Variants in SEMA3E observed in about 807,000 individuals in gnomAD.
The protein encoded by SEMA3E is semaphorin-3E.
Under a neutral mutation model 93.6 loss-of-function variants are expected in SEMA3E, and 49 were observed. That is an observed-to-expected ratio of 0.52 (90% confidence interval 0.42 to 0.66). SEMA3E has a LOEUF of 0.66. Among genes scored for constraint, SEMA3E ranks in the 30% least tolerant of loss-of-function variants. SEMA3E has a pLI of 0.00. For missense variants in SEMA3E, 906 were observed against 964.8 expected (o/e 0.94, Z 0.81); for synonymous variants, 363 against 330.7 (o/e 1.10, Z -1.06).
chr7:83,401,866 C>T (rs1432010157), intron 10 of SEMA3E, among the ~76,000 whole-genome samples: 1 of 152,006 alleles, frequency 6.6e-6, no homozygotes, highest in Admixed American at 6.6e-5. Flanking sequence ...TCACATAGCA[C>T]ATACAATGAT....
intron 1 of SEMA3E, among the ~76,000 whole-genome samples, chr7:83,634,570 G>A (rs1793845894): frequency 6.6e-6 from 1 of 151,752 alleles, no homozygotes; most frequent in Admixed American, 6.6e-5. Flanking sequence ...TCATTCTTTT[G>A]ATTGTTTTTT....
chr7:83,506,797 G>A (rs1401257159), intron 1 of SEMA3E, among the ~76,000 whole-genome samples: 3 of 152,254 alleles, frequency 2.0e-5, no homozygotes, highest in African/African-American at 7.2e-5. Context: ...GAGAATGGAT[G>A]ATAATTTTTT....
intron 1 of SEMA3E, among the ~76,000 whole-genome samples, chr7:83,495,433 T>A (rs1282230893): frequency 1.3e-5 from 2 of 151,436 alleles, no homozygotes; most frequent in African/African-American, 2.4e-5. Context: ...TCATAGAAAT[T>A]GCAGTATGCT....
intron 2 of SEMA3E, among the ~76,000 whole-genome samples, chr7:83,481,497 T>C (rs1346866656): frequency 6.6e-6 from 1 of 152,178 alleles, no homozygotes; most frequent in Non-Finnish European, 1.5e-5. Context: ...GACTTTTACA[T>C]AGAGTAAAAT....
intron 1 of SEMA3E, among the ~76,000 whole-genome samples, chr7:83,565,135 G>T (rs1057331436): frequency 1.3e-4 from 19 of 151,996 alleles, no homozygotes; most frequent in African/African-American, 4.6e-4. Context: ...ACCGTCCCAA[G>T]ACTAAACCAA....
intron 1 of SEMA3E, among the ~76,000 whole-genome samples, chr7:83,515,833 G>A (rs1353960987): frequency 1.3e-5 from 2 of 152,066 alleles, no homozygotes; most frequent in Admixed American, 1.3e-4. Flanking sequence ...TTCGAGACCA[G>A]CCTGGCCAAC....
chr7:83,625,831 TG>T (rs1173758297), intron 1 of SEMA3E, among the ~76,000 whole-genome samples: 2 of 152,142 alleles, frequency 1.3e-5, no homozygotes, highest in Non-Finnish European at 2.9e-5. Flanking sequence ...ATGATGATAC[TG>T]GCTGTGGGTT....
chr7:83,477,852 A>G (rs565200923), intron 2 of SEMA3E, among the ~76,000 whole-genome samples: 9 of 152,282 alleles, frequency 5.9e-5, no homozygotes, highest in East Asian at 1.9e-4. Context: ...AAAGGCATAA[A>G]TATTTTTATA....
At chr7:83,531,354 TTTTTTTTTC>T (rs1471178776) in intron 1 of SEMA3E, among the ~76,000 whole-genome samples, 1 of 138,098 alleles carries the variant, frequency 7.2e-6, no homozygotes, top group Non-Finnish European at 1.6e-5. Context: ...TTTTTTTTTT[TTTTTTTTTC>T]CGAGATGGAG....
At chr7:83,434,940 C>T (rs1355997000) in intron 4 of SEMA3E, among the ~76,000 whole-genome samples, 2 of 151,836 alleles carry the variant, frequency 1.3e-5, no homozygotes, top group East Asian at 3.9e-4. Flanking sequence ...GTCTCGATCT[C>T]CTGACCTCGT....
At chr7:83,594,162 G>A (rs1316904968) in intron 1 of SEMA3E, among the ~76,000 whole-genome samples, 3 of 152,108 alleles carry the variant, frequency 2.0e-5, no homozygotes, top group African/African-American at 7.2e-5. Context: ...AGACAGCATG[G>A]AGTATTTTTA....
chr7:83,385,579 T>C lies in SEMA3E; in HGVS notation c.1736-146A>G, dbSNP rs1584208105. On this transcript the variant is annotated intron_variant, in intron 15 of 16. Coordinates refer to ENST00000643230, the MANE Select transcript of SEMA3E (RefSeq NM_012431.3). ...CAAAAGGTAATTTAAAGGAATTATT[T>C]AGAAAGAGTGGCATACCAAAATTTA... 3 of 951,898 alleles carry C rather than the reference T, an allele frequency of 3.2e-6. No homozygotes were observed. In the Admixed American group the frequency reaches 5.9e-5, roughly 19 times the overall value. 59.0% of individuals were successfully genotyped at this position (951,898 alleles called of 1,614,324 possible). A position where few individuals can be genotyped will look rare whatever the true frequency, so the allele number is the denominator to read the frequency against.
chr7:83,613,143 T>G (rs1237852017), intron 1 of SEMA3E, among the ~76,000 whole-genome samples: 1 of 152,122 alleles, frequency 6.6e-6, no homozygotes, highest in Non-Finnish European at 1.5e-5. Flanking sequence ...AAATAATTTC[T>G]ATTCGTATTT....
Position 83,600,473 on chromosome 7 carries a change from C to T in SEMA3E, c.115+47955G>A, listed in dbSNP as rs887829490. Among the ~76,000 whole-genome samples the T allele has an allele frequency of 2.7e-5, 4 of 147,288 alleles. No individual in the cohort carries two copies. The South Asian group carries it at 6.6e-4, about 24-fold the overall frequency. ...TAGCTGGGACTACAGGCGCCCGCCACCACGCCCAGCTAATTTTTTTTTTTT... is the reference window on the plus strand; with the variant it reads ...TAGCTGGGACTACAGGCGCCCGCCATCACGCCCAGCTAATTTTTTTTTTTT... On this transcript the variant is annotated intron_variant, in intron 1 of 16. Transcript: ENST00000643230.
rs145707650 is a variant in SEMA3E, at chr7:83,385,355, C to A, written c.1814G>T (p.Arg605Leu). The A allele has an allele frequency of 8.7e-6, 14 of 1,613,368 alleles. No individual in the cohort carries two copies. Among genetic ancestry groups the A allele is most frequent in the Admixed American group, 1.7e-5 (1 of 59,950 alleles). ...NNSTLLECTP[R>L]SLQAKVIWFV... ...CCAGATAACTTTCGCTTGTAAAGAT[C>A]GTGGGGTACATTCCAGCAAAGTACT... Residue 605 changes from arginine (R) to leucine (L), a missense_variant, in exon 16 of 17, where the codon CGA becomes CTA. By Grantham distance (102) the Arg-to-Leu change is moderately radical (BLOSUM62 -2). Transcript: ENST00000643230.
chr7:83,531,177 CTATAAT>C (rs934410293), intron 1 of SEMA3E, among the ~76,000 whole-genome samples: 13 of 151,652 alleles, frequency 8.6e-5, no homozygotes, highest in African/African-American at 3.1e-4. Context: ...TAAAATGACT[CTATAAT>C]TAAGCATCTA....
intron 2 of SEMA3E, among the ~76,000 whole-genome samples, chr7:83,474,975 T>C (rs1226547523): frequency 6.6e-6 from 1 of 151,190 alleles, no homozygotes; most frequent in Non-Finnish European, 1.5e-5. Context: ...ATATAGACTA[T>C]ACAAATATGT....
Position 83,454,255 on chromosome 7 carries a change from C to T in SEMA3E, c.456+12227G>A, listed in dbSNP as rs1310979776. ...CGTGGGCGACAGAGCAAGACTCCGA[C>T]TCAAAAAAAAAAAAAAAATATATAT... On this transcript the variant is annotated intron_variant, in intron 4 of 16. Coordinates refer to ENST00000643230, the MANE Select transcript of SEMA3E (RefSeq NM_012431.3). 1.1e-3 allele frequency among the ~76,000 whole-genome samples: 13 copies of T among 11,608 alleles called. 1 individual carries two copies. In the East Asian group the frequency reaches 0.054, roughly 48 times the overall value. The allele number at this position is 11,608 out of a possible 152,430, so 7.6% of individuals were successfully genotyped here.
chr7:83,453,596 A>G (rs1789410867), intron 4 of SEMA3E, among the ~76,000 whole-genome samples: 1 of 152,230 alleles, frequency 6.6e-6, no homozygotes, highest in African/African-American at 2.4e-5. Flanking sequence ...TTCTGACTTC[A>G]TAGGGGAATA....
Sources: gnomAD v4.1 joint callset for allele counts (sites outside exome capture counted in the v4.1 genomes callset) on GRCh38, gnomAD v4.1.1 for gene constraint, MANE v1.5 for transcripts, NCBI Gene and HGNC (gene_info 2026-07-23, HGNC 2026-07-21) for gene names.